RNASEH1: variants seen among roughly 807,000 people sequenced by gnomAD.
The protein encoded by RNASEH1 is ribonuclease H1, also known as ribonuclease H type II.
A neutral mutation model predicts 34.6 loss-of-function variants in RNASEH1; 27 were observed. The ratio of observed to expected loss-of-function variants is 0.78; its 90% CI spans 0.58 to 1.08. The LOEUF (loss-of-function observed/expected upper bound fraction) is 1.08, where lower values mean the gene tolerates loss of function less well. Ranked by LOEUF, RNASEH1 falls within the 50% of genes least tolerant of loss-of-function variation. The pLI is 0.00. For missense variants in RNASEH1, 349 were observed against 373.6 expected, an observed-to-expected ratio of 0.93 and a Z score of 0.54; for synonymous variants, 162 against 138.4, an observed-to-expected ratio of 1.17 and a Z score of -1.20.
In RNASEH1 at chr2:3,541,441, G is replaced by A. The variant is rs188474067; in HGVS notation, c.*4344C>T. On this transcript the variant is annotated 3_prime_UTR_variant, in exon 8 of 8. Coordinates refer to ENST00000315212, the MANE Select transcript of RNASEH1 (RefSeq NM_002936.6). ...CAAAGACGAGGATATAAATGTTCAC[G>A]GCAGCTTTATTTGCTTTATTTTTAT... Among the ~76,000 whole-genome samples the A allele has an allele frequency of 7.9e-5, 12 of 152,238 alleles. No homozygotes were observed. The Middle Eastern group carries it at 0.01, about 129-fold the overall frequency.
rs1660698659 is a variant in RNASEH1 at position 3,557,975 on chromosome 2, G to A, written c.128+158C>T. The stretch of plus-strand genomic sequence containing the variant: ...GCCATGAGCCTCCTGGAACCCCGCC[G>A]GCCGAGCAGGAAAACGAGGCGGTCC... On this transcript the variant is annotated intron_variant, in intron 1 of 7. Coordinates refer to ENST00000315212, the MANE Select transcript of RNASEH1 (RefSeq NM_002936.6). 2.7e-6 allele frequency: 4 copies of A among 1,494,004 alleles called. 1 individual carries two copies. The highest frequency in any genetic ancestry group is 2.2e-5 in the Admixed American group (1 of 45,254). The allele number at this position is 1,494,004 out of a possible 1,614,324, so 92.5% of individuals were successfully genotyped here. A position where few individuals can be genotyped will look rare whatever the true frequency, so the allele number is the denominator to read the frequency against.
Position 3,544,432 on chromosome 2 carries a change from C to T in RNASEH1, c.*1353G>A, listed in dbSNP as rs1037378111. Among the ~76,000 whole-genome samples the T allele has an allele frequency of 2.0e-5, 3 of 152,000 alleles. No homozygotes were observed. Among genetic ancestry groups the T allele is most frequent in the African/African-American group, 7.3e-5 (3 of 41,348 alleles). On this transcript the variant is annotated 3_prime_UTR_variant, in exon 8 of 8. Coordinates refer to ENST00000315212, the MANE Select transcript of RNASEH1 (RefSeq NM_002936.6). ...ACGGCAGGGAAAACAGTGAGGCCGA[C>T]GGGACTGCAAATGGACACTGAAGTA... is the stretch of plus-strand genomic sequence containing the variant.
chr2:3,539,948 T>G (rs764056559), downstream of RNASEH1, among the ~76,000 whole-genome samples: 2 of 152,204 alleles, frequency 1.3e-5, no homozygotes, highest in Non-Finnish European at 2.9e-5. Context: ...TTTCTCGTTT[T>G]GTTTGACCTC....
rs1668633559 is a variant in RNASEH1, at chr2:3,545,180, A to AG, written c.*604dup. On this transcript the variant is annotated 3_prime_UTR_variant, in exon 8 of 8. Transcript: ENST00000315212. ...ATGCTTCTTGGTCTTTATGAGTCGC[A>AG]GCTGTTCCTAGAGAATGGCCTAGCA... is the stretch of plus-strand genomic sequence containing the variant. The AG allele has an allele frequency of 1.3e-5, 2 of 151,306 alleles. No individual in the cohort carries two copies. The highest frequency in any genetic ancestry group is 6.6e-5 in the Admixed American group (1 of 15,120). The allele number at this position is 151,306 out of a possible 1,614,324, so 9.4% of individuals were successfully genotyped here.
In RNASEH1 at chr2:3,550,621, T is replaced by C. The variant is rs972422198; in HGVS notation, c.410-149A>G. The stretch of plus-strand genomic sequence containing the variant: ...TTTCTCTCTAGGAAAACATGCTCCA[T>C]TCCTTACAAGGGGGCACCTAACATT... On this transcript the variant is annotated intron_variant, in intron 3 of 7. Coordinates refer to ENST00000315212, the MANE Select transcript of RNASEH1 (RefSeq NM_002936.6). 4.3e-5 allele frequency: 28 copies of C among 653,278 alleles called. 1 individual carries two copies. The highest frequency in any genetic ancestry group is 3.4e-4 in the African/African-American group (19 of 55,370). 40.5% of individuals were successfully genotyped at this position (653,278 alleles called of 1,614,324 possible).
In RNASEH1 at chr2:3,552,179, G is replaced by A. The variant is rs745731527; in HGVS notation, c.374C>T (p.Ala125Val). 1.4e-5 allele frequency: 23 copies of A among 1,611,258 alleles called. No homozygotes were observed. Among genetic ancestry groups the A allele is most frequent in the Admixed American group, 6.7e-5 (4 of 59,802 alleles). Residue 125 changes from alanine to valine, a missense_variant, in exon 3 of 8, where the codon GCG (alanine) becomes GTG (valine). By Grantham distance (64) the Ala-to-Val change is moderately conservative (BLOSUM62 0). Transcript: ENST00000315212. ...AKHMKPSVEPAPPVSRDTFSY... is the reference protein window; with the variant it reads ...AKHMKPSVEPVPPVSRDTFSY... Reference sequence around the variant, plus strand: ...AAACGTGTCTCTGCTAACTGGAGGCGCCGGCTCCACGCTCGGCTTCATGTG... The same window carrying A: ...AAACGTGTCTCTGCTAACTGGAGGCACCGGCTCCACGCTCGGCTTCATGTG...
At chr2:3,554,207 C>CA (rs1660264134) in intron 2 of RNASEH1, among the ~76,000 whole-genome samples, 1 of 152,220 alleles carries the variant, frequency 6.6e-6, no homozygotes, top group South Asian at 2.1e-4. Context: ...ATTTTGTTTT[C>CA]ACACACTCAT....
chr2:3,558,313 G>T lies in RNASEH1; in HGVS notation c.-53C>A, dbSNP rs908771435. On this transcript the variant is annotated 5_prime_UTR_variant, in exon 1 of 8. Transcript: ENST00000315212. ...TCGACTCCCGGCCCAGCGTGGGCGCGAGCCGCCGGCGCTCAACACCGCACT... is the reference window on the plus strand; with the variant it reads ...TCGACTCCCGGCCCAGCGTGGGCGCTAGCCGCCGGCGCTCAACACCGCACT... 2 of 1,473,806 alleles carry T rather than the reference G, an allele frequency of 1.4e-6. No individual in the cohort carries two copies. The highest frequency in any genetic ancestry group is 1.8e-6 in the Non-Finnish European group (2 of 1,115,656). 91.3% of individuals were successfully genotyped at this position (1,473,806 alleles called of 1,614,324 possible).
downstream of RNASEH1, among the ~76,000 whole-genome samples, chr2:3,538,436 C>T (rs1260201861): frequency 6.6e-6 from 1 of 152,054 alleles, no homozygotes; most frequent in Non-Finnish European, 1.5e-5. Context: ...CATTACCGCC[C>T]TGTTCCCACC....
chr2:3,537,460 T>C (rs1303622551), downstream of RNASEH1, among the ~76,000 whole-genome samples: 3 of 152,144 alleles, frequency 2.0e-5, no homozygotes, highest in African/African-American at 7.2e-5. Context: ...CAGTGGCTCA[T>C]GGCTCTAACC....
intron 2 of RNASEH1, 86 bp downstream of exon 2, chr2:3,556,703 A>G (rs769714969): frequency 4.6e-5 from 38 of 819,464 alleles, no homozygotes; most frequent in Middle Eastern, 3.3e-4. Context: ...ACATGCCTAG[A>G]GGGTAGCTAT....
At chr2:3,552,523 CCCCCTCCACACCACCTCCA>C (rs1660059705) in intron 2 of RNASEH1, among the ~76,000 whole-genome samples, 1 of 105,218 alleles carries the variant, frequency 9.5e-6, no homozygotes, top group African/African-American at 4.5e-5. Context: ...ACCACCTCCA[CCCCCTCCACACCACCTCCA>C]CCCCCTCCCC....
chr2:3,554,113 C>T (rs1175346238), intron 2 of RNASEH1, among the ~76,000 whole-genome samples: 1 of 152,212 alleles, frequency 6.6e-6, no homozygotes, highest in Non-Finnish European at 1.5e-5. Flanking sequence ...TCTCAACCCA[C>T]ACCTCTCGGA....
intron 7 of RNASEH1, among the ~76,000 whole-genome samples, chr2:3,546,724 T>C (rs1199473624): frequency 1.3e-5 from 2 of 152,210 alleles, no homozygotes; most frequent in African/African-American, 4.8e-5. Flanking sequence ...CGAGCCGAGA[T>C]TGCGCCACTG....
intron 2 of RNASEH1, among the ~76,000 whole-genome samples, chr2:3,553,648 CCA>C (rs1203389704): frequency 2.6e-4 from 39 of 152,180 alleles, no homozygotes; most frequent in Non-Finnish European, 5.7e-4. Flanking sequence ...CCCTGACCTC[CCA>C]CAGTGCTGGG....
rs1454694509 is a variant in RNASEH1 at position 3,545,099 on chromosome 2, T to TC, written c.*685_*686insG. On this transcript the variant is annotated 3_prime_UTR_variant, in exon 8 of 8. Coordinates refer to ENST00000315212, the MANE Select transcript of RNASEH1 (RefSeq NM_002936.6). ...CGGTGTCTTACTTTTTTTTTTTTTTTTTTAATTTGCACAGTTTTTAACGAA... is the reference window on the plus strand; with the variant it reads ...CGGTGTCTTACTTTTTTTTTTTTTTTCTTTAATTTGCACAGTTTTTAACGAA... 4 of 147,640 alleles carry TC rather than the reference T, an allele frequency of 2.7e-5. No homozygotes were observed. The highest frequency in any genetic ancestry group is 6.0e-5 in the Non-Finnish European group (4 of 66,482). 9.1% of individuals were successfully genotyped at this position (147,640 alleles called of 1,614,324 possible).
rs766332230 is a variant in RNASEH1 at position 3,544,047 on chromosome 2, T to C, written c.*1738A>G. 6.6e-6 allele frequency among the ~76,000 whole-genome samples: 1 copy of C among 152,212 alleles called. No homozygotes were observed. Among genetic ancestry groups the C allele is most frequent in the Non-Finnish European group, 1.5e-5 (1 of 68,042 alleles). ...TATCCTGCCCTTCCTATATGAACTGTACCACTGGGTAACCAGATAAGTATA... is the reference window on the plus strand; with the variant it reads ...TATCCTGCCCTTCCTATATGAACTGCACCACTGGGTAACCAGATAAGTATA... On this transcript the variant is annotated 3_prime_UTR_variant, in exon 8 of 8. Transcript: ENST00000315212.
downstream of RNASEH1, among the ~76,000 whole-genome samples, chr2:3,540,234 A>G (rs1433445017): frequency 2.0e-5 from 3 of 152,286 alleles, no homozygotes; most frequent in African/African-American, 4.8e-5. Flanking sequence ...ATGCAATTAT[A>G]TATCATTGTT....
At chr2:3,539,337 T>C (rs1012073677), downstream of RNASEH1, among the ~76,000 whole-genome samples, 1 of 152,230 alleles carries the variant, frequency 6.6e-6, no homozygotes, top group Non-Finnish European at 1.5e-5. Context: ...TTCATTCATA[T>C]TTGTCTTTGT....
Sources: gnomAD v4.1 joint callset for allele counts (sites outside exome capture counted in the v4.1 genomes callset) on GRCh38, gnomAD v4.1.1 for gene constraint, MANE v1.5 for transcripts, NCBI Gene and HGNC (gene_info 2026-07-23, HGNC 2026-07-21) for gene names.